Variants in CENPE observed in about 807,000 individuals in gnomAD.
The protein encoded by CENPE is centromere protein E, also known as centromere-associated protein E.
In CENPE, 145 loss-of-function variants were observed where a neutral mutation model predicts 336.1. The ratio of observed to expected loss-of-function variants is 0.43; its 90% CI spans 0.38 to 0.50. The LOEUF is 0.50. Among genes scored for constraint, CENPE ranks in the 20% least tolerant of loss-of-function variants. CENPE has a pLI of 0.00. For missense variants in CENPE, 2,719 were observed against 3,023.3 expected (o/e 0.90, Z 2.36); for synonymous variants, 1,013 against 984.8 (o/e 1.03, Z -0.54).
chr4:103,106,413 G>A (rs1414751781), intron 48 of CENPE, 97 bp from the exon 49 acceptor site: 9 of 833,734 alleles, frequency 1.1e-5, no homozygotes, highest in East Asian at 2.8e-5. Context: ...CAGGAGAGAT[G>A]TGAAGAATGA....
At chr4:103,106,435 G>A (rs1002019376) in intron 48 of CENPE, 119 bp from the exon 49 acceptor site, 15 of 583,180 alleles carry the variant, frequency 2.6e-5, no homozygotes, top group African/African-American at 1.9e-4. Flanking sequence ...AAATGGCAAC[G>A]TGATTCACCG....
chr4:103,113,267 T>C (rs1370479490), intron 46 of CENPE, among the ~76,000 whole-genome samples: 1 of 142,222 alleles, frequency 7.0e-6, no homozygotes, highest in Non-Finnish European at 1.5e-5. Context: ...AGTGTATACA[T>C]ATATATGTAT....
chr4:103,164,212 G>T (rs1047683636), intron 16 of CENPE, among the ~76,000 whole-genome samples: 1 of 152,034 alleles, frequency 6.6e-6, no homozygotes, highest in African/African-American at 2.4e-5. Context: ...TATTTCTATT[G>T]AGGTGTCCTT....
intron 39 of CENPE, among the ~76,000 whole-genome samples, chr4:103,138,021 A>C (rs529738457): frequency 6.6e-6 from 1 of 152,218 alleles, no homozygotes; most frequent in East Asian, 1.9e-4. Context: ...ACCACCACAG[A>C]GTCTTCTGCC....
chr4:103,136,495 A>G lies in CENPE; in HGVS notation c.6304-136T>C. The G allele has an allele frequency of 5.7e-6, 3 of 530,844 alleles. 1 individual carries two copies. Among genetic ancestry groups the G allele is most frequent in the South Asian group, 3.6e-5 (1 of 28,052 alleles). 32.9% of individuals were successfully genotyped at this position (530,844 alleles called of 1,614,324 possible). A position where few individuals can be genotyped will look rare whatever the true frequency, so the allele number is the denominator to read the frequency against. On this transcript the variant is annotated intron_variant, in intron 39 of 48. Coordinates refer to ENST00000265148, the MANE Select transcript of CENPE (RefSeq NM_001813.3). ...AGAGAAATAAAGACCTTTGTGTCTAAAAACAAAAGGAAACTCTTGTTGTCA... is the reference window on the plus strand; with the variant it reads ...AGAGAAATAAAGACCTTTGTGTCTAGAAACAAAAGGAAACTCTTGTTGTCA...
intron 16 of CENPE, among the ~76,000 whole-genome samples, chr4:103,168,668 G>A (rs528892797): frequency 6.6e-6 from 1 of 152,300 alleles, no homozygotes; most frequent in African/African-American, 2.4e-5. Flanking sequence ...CCTGTGGCAG[G>A]TTTTGCAACC....
chr4:103,151,385 GAAAA>G lies in CENPE; in HGVS notation c.3238-12_3238-9del. 6.6e-7 allele frequency: 1 copy of G among 1,521,038 alleles called. No homozygotes were observed. The highest frequency in any genetic ancestry group is 8.8e-7 in the Non-Finnish European group (1 of 1,140,222). 94.2% of individuals were successfully genotyped at this position (1,521,038 alleles called of 1,614,324 possible). A position where few individuals can be genotyped will look rare whatever the true frequency, so the allele number is the denominator to read the frequency against. The stretch of plus-strand genomic sequence containing the variant: ...TTCCTGGTTTTCAATGGTCTAGAAA[GAAAA>G]AAAAAGTTGAGATTAAAGTAAATAT... On this transcript the variant is annotated splice_polypyrimidine_tract_variant and intron_variant, in intron 25 of 48. Coordinates refer to ENST00000265148, the MANE Select transcript of CENPE (RefSeq NM_001813.3).
chr4:103,135,056 C>T (rs1751950533), intron 40 of CENPE, among the ~76,000 whole-genome samples: 1 of 152,156 alleles, frequency 6.6e-6, no homozygotes, highest in South Asian at 2.1e-4. Context: ...TTGCTAGTTT[C>T]TCTCCTGTAT....
intron 13 of CENPE, 61 bp downstream of exon 13, chr4:103,180,250 T>C: frequency 6.9e-7 from 1 of 1,446,974 alleles, no homozygotes; most frequent in Non-Finnish European, 9.5e-7. Flanking sequence ...ATAATAAACA[T>C]ATAGAAATAC....
At chr4:103,166,702 A>G (rs1754952266) in intron 16 of CENPE, among the ~76,000 whole-genome samples, 1 of 152,230 alleles carries the variant, frequency 6.6e-6, no homozygotes, top group African/African-American at 2.4e-5. Flanking sequence ...TCTGAAGAGT[A>G]GCTGCAAATT....
chr4:103,145,733 T>G, intron 30 of CENPE, 52 bp from the exon 31 acceptor site: 1 of 1,512,944 alleles, frequency 6.6e-7, no homozygotes, highest in Non-Finnish European at 8.8e-7. Context: ...TATAACTATT[T>G]TGTTGTAATT....
intron 11 of CENPE, 71 bp from the exon 12 acceptor site, chr4:103,181,527 G>A: frequency 7.8e-7 from 1 of 1,287,398 alleles, no homozygotes; most frequent in Non-Finnish European, 1.0e-6. Context: ...ATAATATTTA[G>A]CTTTCTTATA....
chr4:103,143,510 G>A lies in CENPE; in HGVS notation c.5146-104C>T, dbSNP rs146670945. 2.6e-3 allele frequency: 1,927 copies of A among 744,878 alleles called. 18 individuals carry two copies. Among genetic ancestry groups the A allele is most frequent in the South Asian group, 0.013 (793 of 62,744 alleles). The allele number at this position is 744,878 out of a possible 1,614,324, so 46.1% of individuals were successfully genotyped here. On this transcript the variant is annotated intron_variant, in intron 33 of 48. Coordinates refer to ENST00000265148, the MANE Select transcript of CENPE (RefSeq NM_001813.3). Reference sequence around the variant, plus strand: ...TAAAAATCTTCCACCCTCTTCTGAGGCCTCCTAGTTCTCACCCTCTAAGCT... The same window carrying A: ...TAAAAATCTTCCACCCTCTTCTGAGACCTCCTAGTTCTCACCCTCTAAGCT...
Position 103,195,886 on chromosome 4 carries a change from C to G in CENPE, c.357+34G>C, listed in dbSNP as rs756263031. ...GGTACCCAGTTTTTACTAGTTTTAC[C>G]TGTACGTACTAGAAATCCAGTTAAG... On this transcript the variant is annotated intron_variant, in intron 4 of 48. Coordinates refer to ENST00000265148, the MANE Select transcript of CENPE (RefSeq NM_001813.3). 8 of 1,263,376 alleles carry G rather than the reference C, an allele frequency of 6.3e-6. No homozygotes were observed. The South Asian group carries it at 9.5e-5, about 15-fold the overall frequency. The allele number at this position is 1,263,376 out of a possible 1,614,324, so 78.3% of individuals were successfully genotyped here. A position where few individuals can be genotyped will look rare whatever the true frequency, so the allele number is the denominator to read the frequency against.
chr4:103,107,380 A>AT (rs1748987414), intron 48 of CENPE, among the ~76,000 whole-genome samples: 1 of 152,164 alleles, frequency 6.6e-6, no homozygotes, highest in Non-Finnish European at 1.5e-5. Flanking sequence ...GAATGGATAG[A>AT]TTTTTTCTTA....
chr4:103,146,736 A>G (rs915716721), intron 29 of CENPE, among the ~76,000 whole-genome samples: 5 of 152,240 alleles, frequency 3.3e-5, no homozygotes, highest in Admixed American at 6.5e-5. Flanking sequence ...AAAAGAATGT[A>G]AGAAAGGATA....
chr4:103,164,393 A>G (rs1279621578), intron 16 of CENPE, among the ~76,000 whole-genome samples: 1 of 152,090 alleles, frequency 6.6e-6, no homozygotes, highest in Admixed American at 6.5e-5. Flanking sequence ...AGGGGCTTGA[A>G]AATAGTATCT....
intron 21 of CENPE, among the ~76,000 whole-genome samples, chr4:103,160,025 G>C (rs570235764): frequency 2.0e-5 from 3 of 151,690 alleles, no homozygotes; most frequent in East Asian, 1.9e-4. Flanking sequence ...TTTGATAATG[G>C]GTTATTGGGA....
chr4:103,149,625 A>G (rs1753374273), intron 26 of CENPE, among the ~76,000 whole-genome samples: 1 of 152,188 alleles, frequency 6.6e-6, no homozygotes, highest in Non-Finnish European at 1.5e-5. Context: ...TTATTTGGAA[A>G]TAGAGTCTTT....
Sources: gnomAD v4.1 joint callset for allele counts (sites outside exome capture counted in the v4.1 genomes callset) on GRCh38, gnomAD v4.1.1 for gene constraint, MANE v1.5 for transcripts, NCBI Gene and HGNC (gene_info 2026-07-23, HGNC 2026-07-21) for gene names.